Variants in CA10 observed in about 807,000 individuals in gnomAD.
The protein encoded by CA10 is carbonic anhydrase-related protein 10.
Under a neutral mutation model 44.2 loss-of-function variants are expected in CA10, and 14 were observed. The ratio of observed to expected loss-of-function variants is 0.32; its 90% CI spans 0.21 to 0.50. The LOEUF is 0.50. Ranked by LOEUF, CA10 falls within the 20% of genes least tolerant of loss-of-function variation. The pLI, the probability that CA10 is intolerant of heterozygous loss-of-function variation, is 0.99. For synonymous variants in CA10, 159 were observed against 141.6 expected, an observed-to-expected ratio of 1.12 and a Z score of -0.87; for missense variants, 350 against 409.7, an observed-to-expected ratio of 0.85 and a Z score of 1.26.
At chr17:52,096,398 G>A (rs537775711) in intron 1 of CA10, among the ~76,000 whole-genome samples, 2 of 152,040 alleles carry the variant, frequency 1.3e-5, no homozygotes, top group African/African-American at 2.4e-5. Context: ...TTGAACCACT[G>A]GTCTATCTTG....
intron 4 of CA10, among the ~76,000 whole-genome samples, chr17:51,735,118 T>A (rs1376621523): frequency 6.6e-6 from 1 of 152,192 alleles, no homozygotes; most frequent in Non-Finnish European, 1.5e-5. Flanking sequence ...GAATTTCACC[T>A]TCTGCATGGG....
chr17:51,994,910 T>C (rs774931775), intron 2 of CA10, among the ~76,000 whole-genome samples: 103 of 152,142 alleles, frequency 6.8e-4, no homozygotes, highest in Non-Finnish European at 1.3e-3. Flanking sequence ...TTTAATAAGA[T>C]GGGCCAGAAA....
intron 3 of CA10, among the ~76,000 whole-genome samples, chr17:51,921,277 C>T (rs1364143593): frequency 2.0e-5 from 3 of 152,176 alleles, no homozygotes; most frequent in African/African-American, 7.2e-5. Flanking sequence ...CCCCTCAGTG[C>T]CCATCAGAAC....
rs66635963 is a variant in CA10 at position 51,831,667 on chromosome 17, A to AAGCAGCAGCAGCAGCAGCAGCAGCAGC, written c.280-83876_280-83850dup. On this transcript the variant is annotated intron_variant, in intron 3 of 8. Transcript: ENST00000451037. ...TGGATTGTTCCAAGGAGAAAAGAAA[A>AAGCAGCAGCAGCAGCAGCAGCAGCAGC]AGCAGCAGCAGCAGCAGCAGCAGCA... Among the ~76,000 whole-genome samples the AAGCAGCAGCAGCAGCAGCAGCAGCAGC allele has an allele frequency of 1.5e-4, 19 of 127,490 alleles. 2 individuals carry two copies. Among genetic ancestry groups the AAGCAGCAGCAGCAGCAGCAGCAGCAGC allele is most frequent in the African/African-American group, 3.1e-4 (10 of 31,996 alleles). The allele number at this position is 127,490 out of a possible 152,430, so 83.6% of individuals were successfully genotyped here.
At chr17:51,735,731 T>A (rs1197022402) in intron 4 of CA10, among the ~76,000 whole-genome samples, 1 of 152,180 alleles carries the variant, frequency 6.6e-6, no homozygotes, top group Non-Finnish European at 1.5e-5. Context: ...GTCTCCTGAT[T>A]GTGCTGATGG....
At position 51,881,242 on chromosome 17, in the gene CA10, G is replaced by GAA. The variant is rs11423498; in HGVS notation, c.279+49746_279+49747dup. Among the ~76,000 whole-genome samples, 668 of 123,626 alleles carry GAA rather than the reference G, an allele frequency of 5.4e-3. 6 individuals are homozygous for GAA. Among genetic ancestry groups the GAA allele is most frequent in the Admixed American group, 6.1e-3 (67 of 11,020 alleles). The allele number at this position is 123,626 out of a possible 152,430, so 81.1% of individuals were successfully genotyped here. On this transcript the variant is annotated intron_variant, in intron 3 of 8. Coordinates refer to ENST00000451037, the MANE Select transcript of CA10 (RefSeq NM_020178.5). ...GCGACAGAGCGAGACTCCGTCTCAA[G>GAA]AAAAAAAAAAAAAAAAAAAGTTTTA... is the stretch of plus-strand genomic sequence containing the variant.
chr17:51,745,324 T>C (rs1904639486), intron 4 of CA10, among the ~76,000 whole-genome samples: 2 of 152,230 alleles, frequency 1.3e-5, no homozygotes, highest in South Asian at 4.1e-4. Flanking sequence ...ATCCTGAGAC[T>C]GATTCAGTTG....
intron 2 of CA10, among the ~76,000 whole-genome samples, chr17:52,015,097 T>C (rs1985926027): frequency 6.6e-6 from 1 of 152,072 alleles, no homozygotes; most frequent in Non-Finnish European, 1.5e-5. Context: ...TAAAAGGTGA[T>C]GTACTAACGT....
At chr17:51,718,610 C>G (rs945926960) in intron 4 of CA10, among the ~76,000 whole-genome samples, 16 of 152,268 alleles carry the variant, frequency 1.1e-4, no homozygotes, top group African/African-American at 3.8e-4. Context: ...CTGTGAGCTG[C>G]TCTAGCAAAT....
chr17:52,107,304 G>A (rs954874301), intron 1 of CA10, among the ~76,000 whole-genome samples: 1 of 152,062 alleles, frequency 6.6e-6, no homozygotes, highest in Non-Finnish European at 1.5e-5. Flanking sequence ...AAATCTCCAG[G>A]GTTCCTTTGA....
chr17:52,109,708 T>A (rs1437259009), intron 1 of CA10, among the ~76,000 whole-genome samples: 1 of 152,180 alleles, frequency 6.6e-6, no homozygotes, highest in African/African-American at 2.4e-5. Flanking sequence ...TCAGGTCTAG[T>A]TCAAAAATAG....
At chr17:51,758,097 C>T (rs1228407266) in intron 3 of CA10, among the ~76,000 whole-genome samples, 2 of 151,978 alleles carry the variant, frequency 1.3e-5, no homozygotes, top group African/African-American at 4.8e-5. Flanking sequence ...GTTTTTTTCC[C>T]TTAGTAATGC....
chr17:51,637,308 C>A (rs1355274105), intron 6 of CA10, among the ~76,000 whole-genome samples: 1 of 152,218 alleles, frequency 6.6e-6, no homozygotes, highest in Non-Finnish European at 1.5e-5. Flanking sequence ...TCTTTTCTTA[C>A]TCTATCCTCT....
chr17:52,035,472 G>C (rs1986590056), intron 2 of CA10, among the ~76,000 whole-genome samples: 1 of 152,078 alleles, frequency 6.6e-6, no homozygotes, highest in Non-Finnish European at 1.5e-5. Context: ...CTGTACAAGA[G>C]CCCAAGAGCC....
intron 3 of CA10, among the ~76,000 whole-genome samples, chr17:51,922,051 A>T (rs1006671165): frequency 1.3e-5 from 2 of 152,176 alleles, no homozygotes; most frequent in Admixed American, 1.3e-4. Flanking sequence ...AAACAAAAAC[A>T]CCTGTGATGG....
At chr17:52,128,359 A>T (rs1989163571) in intron 1 of CA10, among the ~76,000 whole-genome samples, 1 of 152,246 alleles carries the variant, frequency 6.6e-6, no homozygotes, top group Non-Finnish European at 1.5e-5. Context: ...CACAGTAGGA[A>T]CTTGATAAAT....
chr17:51,848,776 G>A (rs1978611936), intron 3 of CA10, among the ~76,000 whole-genome samples: 2 of 152,172 alleles, frequency 1.3e-5, no homozygotes, highest in Non-Finnish European at 2.9e-5. Context: ...GCAGGGCATG[G>A]TGGCTCATGC....
intron 3 of CA10, among the ~76,000 whole-genome samples, chr17:51,869,638 A>G (rs1019001080): frequency 6.6e-6 from 1 of 152,160 alleles, no homozygotes; most frequent in African/African-American, 2.4e-5. Flanking sequence ...GGCTGGGTAT[A>G]GTGGCTCATG....
At chr17:52,011,698 A>G (rs1380451635) in intron 2 of CA10, among the ~76,000 whole-genome samples, 1 of 152,042 alleles carries the variant, frequency 6.6e-6, no homozygotes, top group African/African-American at 2.4e-5. Flanking sequence ...CAAGGACGGC[A>G]TGTATGATAA....
Sources: allele counts gnomAD v4.1 joint callset (sites outside exome capture counted in the v4.1 genomes callset), GRCh38; gene constraint gnomAD v4.1.1; transcripts MANE v1.5; gene names NCBI Gene and HGNC (gene_info 2026-07-23, HGNC 2026-07-21).